Variants in SPMIP11 observed in about 807,000 individuals in gnomAD.
SPMIP11 encodes sperm microtubule inner protein 11.
chr12:48,754,164 G>T, the SPMIP11 span, among the ~76,000 whole-genome samples: 1 of 152,148 alleles, frequency 6.6e-6, no homozygotes, highest in Non-Finnish European at 1.5e-5. Context: ...ACTGTGTGAG[G>T]CCGAGGCAGG....
At chr12:48,769,774 T>G in the SPMIP11 span, among the ~76,000 whole-genome samples, 1 of 149,688 alleles carries the variant, frequency 6.7e-6, no homozygotes, top group African/African-American at 2.5e-5. Flanking sequence ...TTTTTTTTTT[T>G]TGGGGGGGAC....
At chr12:48,728,386 C>A in the SPMIP11 span, among the ~76,000 whole-genome samples, 18 of 152,240 alleles carry the variant, frequency 1.2e-4, no homozygotes, top group Middle Eastern at 3.4e-3. Context: ...GCTTCCAGAA[C>A]TGGGTGTTAA....
the SPMIP11 span, among the ~76,000 whole-genome samples, chr12:48,770,526 G>T: frequency 1.3e-5 from 2 of 152,150 alleles, no homozygotes; most frequent in South Asian, 4.1e-4. Context: ...ATCTCTCTGA[G>T]AGTCAGTCTC....
chr12:48,758,876 A>G, the SPMIP11 span, among the ~76,000 whole-genome samples: 13 of 152,344 alleles, frequency 8.5e-5, no homozygotes, highest in East Asian at 2.5e-3. Context: ...AAATATGCCA[A>G]TCCCAGGAAA....
the SPMIP11 span, among the ~76,000 whole-genome samples, chr12:48,738,086 A>C: frequency 6.6e-6 from 1 of 151,760 alleles, no homozygotes; most frequent in Non-Finnish European, 1.5e-5. Context: ...TGGCCTCCCA[A>C]AGTGCTGGGA....
At chr12:48,758,805 T>C in the SPMIP11 span, among the ~76,000 whole-genome samples, 88 of 152,316 alleles carry the variant, frequency 5.8e-4, no homozygotes, top group African/African-American at 2.0e-3. Flanking sequence ...CCTACCTCCT[T>C]CTTTTCCTCC....
chr12:48,752,669 CT>C, the SPMIP11 span, among the ~76,000 whole-genome samples: 10,097 of 119,236 alleles, frequency 0.085, 329 homozygotes, highest in African/African-American at 0.1. Flanking sequence ...CCTATTTATT[CT>C]TTTTTTTTTT....
the SPMIP11 span, chr12:48,727,647 C>G: frequency 1.5e-6 from 1 of 662,852 alleles, no homozygotes; most frequent in Non-Finnish European, 2.8e-6. Context: ...ATTTTCCTAC[C>G]TGGGGTTAGA....
the SPMIP11 span, among the ~76,000 whole-genome samples, chr12:48,752,535 T>C: frequency 6.6e-6 from 1 of 152,194 alleles, no homozygotes; most frequent in East Asian, 1.9e-4. Context: ...AGGGTTCATT[T>C]ACCTTCTACT....
At chr12:48,737,068 G>A in the SPMIP11 span, among the ~76,000 whole-genome samples, 11 of 151,674 alleles carry the variant, frequency 7.3e-5, no homozygotes, top group East Asian at 2.2e-3. Flanking sequence ...TCCCACCTCA[G>A]CCTCCTTAGT....
chr12:48,746,383 T>C, the SPMIP11 span, among the ~76,000 whole-genome samples: 2 of 148,482 alleles, frequency 1.3e-5, no homozygotes, highest in African/African-American at 5.0e-5. Flanking sequence ...TTTTTTTTTT[T>C]TGAGATGGTG....
the SPMIP11 span, among the ~76,000 whole-genome samples, chr12:48,762,665 G>A: frequency 2.0e-5 from 3 of 152,176 alleles, no homozygotes; most frequent in African/African-American, 7.2e-5. Context: ...ACTGCATCCG[G>A]CTCTTATAAC....
the SPMIP11 span, among the ~76,000 whole-genome samples, chr12:48,738,105 G>T: frequency 6.6e-6 from 1 of 152,092 alleles, no homozygotes; most frequent in Non-Finnish European, 1.5e-5. Flanking sequence ...GATTACAGGC[G>T]TGAGCCACCA....
At chr12:48,736,591 C>T in the SPMIP11 span, among the ~76,000 whole-genome samples, 1 of 152,102 alleles carries the variant, frequency 6.6e-6, no homozygotes, top group African/African-American at 2.4e-5. Flanking sequence ...AACTGCCTAT[C>T]CTACTGTAGT....
At chr12:48,729,605 G>A in the SPMIP11 span, among the ~76,000 whole-genome samples, 1 of 151,664 alleles carries the variant, frequency 6.6e-6, no homozygotes, top group Non-Finnish European at 1.5e-5. Context: ...AGTGACCCAG[G>A]AGGCTGAGGC....
the SPMIP11 span, among the ~76,000 whole-genome samples, chr12:48,756,771 C>CTTTT: frequency 4.3e-4 from 47 of 108,702 alleles, no homozygotes; most frequent in African/African-American, 1.3e-3. Context: ...ATTTTTTTTT[C>CTTTT]TTTTTTTCTT....
the SPMIP11 span, among the ~76,000 whole-genome samples, chr12:48,744,797 GA>G: frequency 6.9e-6 from 1 of 144,930 alleles, no homozygotes; most frequent in Admixed American, 7.1e-5. Flanking sequence ...AGGAGGAGGG[GA>G]AAGAAGAAGA....
chr12:48,731,912 G>T, the SPMIP11 span, among the ~76,000 whole-genome samples: 1 of 152,218 alleles, frequency 6.6e-6, no homozygotes, highest in South Asian at 2.1e-4. Context: ...ACTTTGGGAG[G>T]CTGATGCGGG....
the SPMIP11 span, among the ~76,000 whole-genome samples, chr12:48,763,403 G>C: frequency 6.6e-6 from 1 of 151,738 alleles, no homozygotes; most frequent in African/African-American, 2.4e-5. Context: ...TGGAAGTCCT[G>C]GGCTGGAGTG....
Sources: allele counts gnomAD v4.1 joint callset (sites outside exome capture counted in the v4.1 genomes callset), GRCh38; gene constraint gnomAD v4.1.1; transcripts MANE v1.5; gene names NCBI Gene and HGNC (gene_info 2026-07-23, HGNC 2026-07-21).